DACH1: variants seen among roughly 807,000 people sequenced by gnomAD.
The protein encoded by DACH1 is dachshund family transcription factor 1, also known as dachshund homolog 1.
Under a neutral mutation model 54.2 loss-of-function variants are expected in DACH1, and 12 were observed. The observed-to-expected ratio is 0.22, with a 90% CI of 0.14 to 0.36. The LOEUF (loss-of-function observed/expected upper bound fraction) is 0.36. Ranked by LOEUF, DACH1 falls within the 10% of genes least tolerant of loss-of-function variation. DACH1 has a pLI of 1.00. For synonymous variants in DACH1, 386 were observed against 366.2 expected, an observed-to-expected ratio of 1.05 and a Z score of -0.62; for missense variants, 805 against 929.8, an observed-to-expected ratio of 0.87 and a Z score of 1.75.
chr13:71,505,835 T>C (rs181347356), intron 6 of DACH1, among the ~76,000 whole-genome samples: 1 of 152,248 alleles, frequency 6.6e-6, no homozygotes, highest in Admixed American at 6.5e-5. Context: ...CCTATATACC[T>C]AAGATTAACA....
intron 6 of DACH1, among the ~76,000 whole-genome samples, chr13:71,547,275 G>C (rs1883522572): frequency 6.6e-6 from 1 of 152,038 alleles, no homozygotes; most frequent in Non-Finnish European, 1.5e-5. Flanking sequence ...CACAGCCCAA[G>C]ACCTTTGGTG....
At chr13:71,649,006 C>T (rs1445596337) in intron 2 of DACH1, among the ~76,000 whole-genome samples, 2 of 152,118 alleles carry the variant, frequency 1.3e-5, no homozygotes, top group Non-Finnish European at 2.9e-5. Context: ...AAATATGTTC[C>T]TTGCCAGAAA....
At chr13:71,527,930 T>A (rs899295025) in intron 6 of DACH1, among the ~76,000 whole-genome samples, 2 of 152,152 alleles carry the variant, frequency 1.3e-5, no homozygotes, top group African/African-American at 2.4e-5. Flanking sequence ...AACACTTTTT[T>A]TTTTAAAGAA....
chr13:71,820,403 C>T (rs1193093038), intron 1 of DACH1, among the ~76,000 whole-genome samples: 2 of 152,088 alleles, frequency 1.3e-5, no homozygotes, highest in Non-Finnish European at 2.9e-5. Flanking sequence ...GATGACTTTT[C>T]CAATTTCCAA....
intron 3 of DACH1, among the ~76,000 whole-genome samples, chr13:71,574,480 A>G (rs1242918962): frequency 2.0e-5 from 3 of 152,136 alleles, no homozygotes; most frequent in Non-Finnish European, 4.4e-5. Context: ...CTCCAATTTA[A>G]TGCTTTAGCT....
At chr13:71,524,471 G>A (rs544897726) in intron 6 of DACH1, among the ~76,000 whole-genome samples, 147 of 152,254 alleles carry the variant, frequency 9.7e-4, no homozygotes, top group African/African-American at 3.4e-3. Context: ...GGGGCGAGAT[G>A]AAGTGGCATT....
intron 3 of DACH1, among the ~76,000 whole-genome samples, chr13:71,601,587 C>T (rs1362537918): frequency 2.6e-5 from 4 of 151,994 alleles, no homozygotes; most frequent in East Asian, 3.9e-4. Flanking sequence ...CCTGTAGGAA[C>T]AAAATCTCTG....
intron 10 of DACH1, chr13:71,464,534 CAA>C (rs766671855): frequency 7.4e-6 from 3 of 403,620 alleles, no homozygotes; most frequent in East Asian, 7.4e-5. Flanking sequence ...TTAAATAAAA[CAA>C]AGAGATTTTT....
chr13:71,661,516 G>A (rs546541052), intron 2 of DACH1, among the ~76,000 whole-genome samples: 8 of 151,870 alleles, frequency 5.3e-5, no homozygotes, highest in Admixed American at 5.2e-4. Context: ...ATAATCAAAT[G>A]TGTGTATTTT....
intron 8 of DACH1, among the ~76,000 whole-genome samples, chr13:71,477,547 G>A (rs1877687106): frequency 6.6e-6 from 1 of 152,062 alleles, no homozygotes. Flanking sequence ...AAAAGAAATT[G>A]AAACTGATTT....
chr13:71,773,571 A>C (rs1885946246), intron 1 of DACH1, among the ~76,000 whole-genome samples: 1 of 151,960 alleles, frequency 6.6e-6, no homozygotes, highest in East Asian at 1.9e-4. Context: ...AAGACTTTTA[A>C]TCTAGTCCAT....
intron 1 of DACH1, among the ~76,000 whole-genome samples, chr13:71,703,345 G>A (rs2138756079): frequency 6.6e-6 from 1 of 152,192 alleles, no homozygotes; most frequent in African/African-American, 2.4e-5. Flanking sequence ...ACCGTCACTG[G>A]GAAGAAGTCT....
intron 1 of DACH1, among the ~76,000 whole-genome samples, chr13:71,796,354 T>C (rs1887050199): frequency 6.6e-6 from 1 of 152,128 alleles, no homozygotes; most frequent in Non-Finnish European, 1.5e-5. Context: ...TATAAGCAGA[T>C]AAACCTATAG....
intron 1 of DACH1, among the ~76,000 whole-genome samples, chr13:71,686,450 A>C (rs78472658): frequency 6.6e-6 from 1 of 152,108 alleles, no homozygotes; most frequent in African/African-American, 2.4e-5. Context: ...ATCTCATGCT[A>C]ATTTCAGTCT....
chr13:71,474,641 G>A (rs1877360509), intron 10 of DACH1, among the ~76,000 whole-genome samples: 1 of 152,044 alleles, frequency 6.6e-6, no homozygotes, highest in Non-Finnish European at 1.5e-5. Context: ...GTATATAATG[G>A]CATACAGAAC....
At chr13:71,703,399 T>A (rs919062287) in intron 1 of DACH1, among the ~76,000 whole-genome samples, 1 of 152,156 alleles carries the variant, frequency 6.6e-6, no homozygotes, top group Non-Finnish European at 1.5e-5. Flanking sequence ...GCCTCTGTTG[T>A]CTTCTATGAG....
intron 6 of DACH1, among the ~76,000 whole-genome samples, chr13:71,528,908 C>T (rs1325751771): frequency 6.6e-6 from 1 of 151,982 alleles, no homozygotes; most frequent in East Asian, 1.9e-4. Context: ...AAATTAGTAT[C>T]ATTACTAATG....
chr13:71,862,504 T>C, intron 1 of DACH1, among the ~76,000 whole-genome samples: 1 of 152,078 alleles, frequency 6.6e-6, no homozygotes, highest in East Asian at 1.9e-4. Context: ...ATATATGTCC[T>C]TACATTTCTT....
At chr13:71,602,654 G>A (rs1342396148) in intron 3 of DACH1, among the ~76,000 whole-genome samples, 2 of 151,948 alleles carry the variant, frequency 1.3e-5, no homozygotes, top group African/African-American at 4.8e-5. Flanking sequence ...GTAAAACACT[G>A]AGCAGAGTCG....
Sources: gnomAD v4.1 joint callset for allele counts (sites outside exome capture counted in the v4.1 genomes callset) on GRCh38, gnomAD v4.1.1 for gene constraint, MANE v1.5 for transcripts, NCBI Gene and HGNC (gene_info 2026-07-23, HGNC 2026-07-21) for gene names.